Variants in STXBP5L observed in about 807,000 individuals in gnomAD.
STXBP5L encodes the protein syntaxin-binding protein 5-like.
A neutral mutation model predicts 144.5 loss-of-function variants in STXBP5L; 65 were observed. That is an observed-to-expected ratio of 0.45 (90% CI 0.37 to 0.55). The LOEUF (loss-of-function observed/expected upper bound fraction) is 0.55. STXBP5L is among the 20% of genes least tolerant of loss of function. The probability of loss-of-function intolerance (pLI) is 0.00; values close to 1 mark genes in which losing one functional copy is unlikely to be tolerated. For synonymous variants in STXBP5L, 505 were observed against 469.6 expected (o/e 1.08, Z -0.97); for missense variants, 1,298 against 1,405.5 (o/e 0.92, Z 1.22).
At chr3:121,053,113 A>T (rs1346768604) in intron 5 of STXBP5L, among the ~76,000 whole-genome samples, 1 of 152,216 alleles carries the variant, frequency 6.6e-6, no homozygotes, top group African/African-American at 2.4e-5. Flanking sequence ...AAATGGAAGA[A>T]CATTCCATGC....
chr3:121,124,337 G>T (rs2044607388), intron 7 of STXBP5L, among the ~76,000 whole-genome samples: 1 of 151,824 alleles, frequency 6.6e-6, no homozygotes, highest in Non-Finnish European at 1.5e-5. Context: ...AGCTTATCAA[G>T]CTCAATGTGA....
chr3:121,324,030 G>A (rs572846480), intron 20 of STXBP5L, among the ~76,000 whole-genome samples: 9 of 152,134 alleles, frequency 5.9e-5, no homozygotes, highest in Admixed American at 3.3e-4. Context: ...ACTAGCATTA[G>A]GTCCTGACAC....
At chr3:121,303,272 A>C (rs1380389364) in intron 19 of STXBP5L, among the ~76,000 whole-genome samples, 5 of 151,952 alleles carry the variant, frequency 3.3e-5, no homozygotes, top group Non-Finnish European at 1.5e-5. Context: ...AAGACACATG[A>C]AAAAATGCTC....
chr3:120,964,937 G>C (rs1442795297), intron 3 of STXBP5L, among the ~76,000 whole-genome samples: 1 of 152,038 alleles, frequency 6.6e-6, no homozygotes, highest in Non-Finnish European at 1.5e-5. Context: ...AGGACTTGCT[G>C]TATGAATCTG....
At chr3:121,005,972 C>G (rs1262479023) in intron 3 of STXBP5L, among the ~76,000 whole-genome samples, 1 of 152,086 alleles carries the variant, frequency 6.6e-6, no homozygotes, top group Non-Finnish European at 1.5e-5. Context: ...TTACTTCCAA[C>G]TATGTGGTCA....
chr3:121,282,974 A>G (rs895819513), intron 19 of STXBP5L, among the ~76,000 whole-genome samples: 1 of 152,032 alleles, frequency 6.6e-6, no homozygotes, highest in African/African-American at 2.4e-5. Context: ...AGAGTAAGCA[A>G]TTATAAAAAC....
intron 9 of STXBP5L, among the ~76,000 whole-genome samples, chr3:121,187,988 A>C (rs115865943): frequency 2.6e-5 from 4 of 152,184 alleles, no homozygotes; most frequent in African/African-American, 9.6e-5. Context: ...AGAGCTAACT[A>C]TCTTAAATAT....
chr3:121,073,993 T>G (rs1274225510), intron 5 of STXBP5L, among the ~76,000 whole-genome samples: 2 of 152,180 alleles, frequency 1.3e-5, no homozygotes, highest in Non-Finnish European at 2.9e-5. Flanking sequence ...GAAGGAGGCT[T>G]TCTGTGCCTT....
intron 21 of STXBP5L, among the ~76,000 whole-genome samples, chr3:121,379,517 T>C (rs1385964727): frequency 6.6e-6 from 1 of 152,052 alleles, no homozygotes; most frequent in Non-Finnish European, 1.5e-5. Context: ...AAAAATAATT[T>C]TAGGAAGATT....
At chr3:121,260,674 C>T (rs1386546234) in intron 18 of STXBP5L, among the ~76,000 whole-genome samples, 4 of 152,014 alleles carry the variant, frequency 2.6e-5, no homozygotes, top group Non-Finnish European at 4.4e-5. Flanking sequence ...TCTTTCTATG[C>T]TTATTTGGAA....
At chr3:121,023,990 C>T (rs1210237061) in intron 3 of STXBP5L, among the ~76,000 whole-genome samples, 2 of 151,996 alleles carry the variant, frequency 1.3e-5, no homozygotes, top group Non-Finnish European at 2.9e-5. Flanking sequence ...GATCTCCTGA[C>T]CTTGTGATAC....
rs1293977806 is a variant in STXBP5L, at chr3:121,421,899, A to G, written c.*2802A>G. ...GAAGTAGTTAAAACGTGTCTTTCAAAATTGCTTTTATAAGCCCTTCCTTAA... is the reference window on the plus strand; with the variant it reads ...GAAGTAGTTAAAACGTGTCTTTCAAGATTGCTTTTATAAGCCCTTCCTTAA... On this transcript the variant is annotated 3_prime_UTR_variant, in exon 27 of 27. Coordinates refer to ENST00000471454, the MANE Select transcript of STXBP5L (RefSeq NM_001308330.2). The G allele has an allele frequency of 6.6e-6, 1 of 152,222 alleles. No homozygotes were observed. Among genetic ancestry groups the G allele is most frequent in the Non-Finnish European group, 1.5e-5 (1 of 68,038 alleles). 9.4% of individuals were successfully genotyped at this position (152,222 alleles called of 1,614,324 possible).
chr3:120,917,147 C>A lies in STXBP5L; in HGVS notation c.189+7380C>A, dbSNP rs560410646. Among the ~76,000 whole-genome samples the A allele has an allele frequency of 2.5e-4, 38 of 152,268 alleles. No individual in the cohort carries two copies. The East Asian group carries it at 5.0e-3, about 20-fold the overall frequency. On this transcript the variant is annotated intron_variant, in intron 2 of 26. Transcript: ENST00000471454. The stretch of plus-strand genomic sequence containing the variant: ...GTAAGAGAGAAACTCAGGCATGTCC[C>A]AGCTTTGTGGAGTGGTCAAAGATAG...
intron 5 of STXBP5L, 24 bp downstream of exon 5, chr3:121,045,559 T>C (rs777582576): frequency 1.3e-6 from 2 of 1,584,094 alleles, no homozygotes; most frequent in South Asian, 1.2e-5. Context: ...AATTAAACAA[T>C]TTCTTAATGT....
intron 13 of STXBP5L, among the ~76,000 whole-genome samples, 185 bp downstream of exon 13, chr3:121,239,303 A>G (rs563514655): frequency 1.2e-4 from 18 of 151,514 alleles, no homozygotes; most frequent in South Asian, 2.1e-4. Context: ...ACATAGCTTT[A>G]AGCCTATAGA....
chr3:121,395,158 C>A (rs1423776500), intron 22 of STXBP5L, among the ~76,000 whole-genome samples: 2 of 152,092 alleles, frequency 1.3e-5, no homozygotes, highest in Admixed American at 1.3e-4. Flanking sequence ...GTGTGACTGG[C>A]AAACATTGAA....
At chr3:121,189,443 T>C (rs2047544405) in intron 9 of STXBP5L, among the ~76,000 whole-genome samples, 1 of 152,234 alleles carries the variant, frequency 6.6e-6, no homozygotes. Context: ...TACAGATGGC[T>C]AGCCAGATTC....
At chr3:120,918,901 C>T (rs566608884) in intron 2 of STXBP5L, among the ~76,000 whole-genome samples, 1 of 152,122 alleles carries the variant, frequency 6.6e-6, no homozygotes, top group Non-Finnish European at 1.5e-5. Context: ...AACTAGAAGG[C>T]TATATGTGAG....
chr3:121,394,693 C>T (rs1422626216), intron 22 of STXBP5L, among the ~76,000 whole-genome samples: 1 of 150,730 alleles, frequency 6.6e-6, no homozygotes. Context: ...CAAGCTCCAC[C>T]TCCTGGGTTC....
Sources: allele counts gnomAD v4.1 joint callset (sites outside exome capture counted in the v4.1 genomes callset), GRCh38; gene constraint gnomAD v4.1.1; transcripts MANE v1.5; gene names NCBI Gene and HGNC (gene_info 2026-07-23, HGNC 2026-07-21).